The following TBC1D8B variants were observed in gnomAD, a reference collection of about 807,000 sequenced individuals.
TBC1D8B encodes the protein TBC1 domain family member 8B.
In TBC1D8B, 75 loss-of-function variants were observed where a neutral mutation model predicts 82.9. That is an observed-to-expected ratio of 0.90 (90% CI 0.75 to 1.10). The LOEUF is 1.10. Among genes scored for constraint, TBC1D8B ranks in the 50% least tolerant of loss-of-function variants. The pLI is 0.00. For synonymous variants in TBC1D8B, 276 were observed against 276.8 expected, an observed-to-expected ratio of 1.00 and a Z score of 0.03; for missense variants, 794 against 796.9, an observed-to-expected ratio of 1.00 and a Z score of 0.04.
At chrX:106,816,975 A>T (rs1246786162) in intron 1 of TBC1D8B, among the ~76,000 whole-genome samples, 7 of 111,525 alleles carry the variant, frequency 6.3e-5, no homozygotes. Flanking sequence ...AACCTTGCTT[A>T]AAATCTCAAT....
rs1192524655 is a variant in TBC1D8B at position 106,814,506 on chromosome X, A to G, written c.131-4157A>G. 4.7e-5 allele frequency: 5 copies of G among 106,648 alleles called. No individual in the cohort carries two copies. In the East Asian group the frequency reaches 1.5e-3, roughly 31 times the overall value. 8.8% of individuals were successfully genotyped at this position (106,648 alleles called of 1,213,427 possible). A position where few individuals can be genotyped will look rare whatever the true frequency, so the allele number is the denominator to read the frequency against. ...TTGTGAATAGTGCCGCAATAAACAT[A>G]CGTGTGCATGTGTCTTTATAGCAGC... is the stretch of plus-strand genomic sequence containing the variant. On this transcript the variant is annotated intron_variant, in intron 1 of 20. Coordinates refer to ENST00000357242, the MANE Select transcript of TBC1D8B (RefSeq NM_017752.3).
intron 1 of TBC1D8B, among the ~76,000 whole-genome samples, chrX:106,803,451 G>A (rs1220194874): frequency 6.6e-4 from 1 of 1,505 alleles, no homozygotes; most frequent in Non-Finnish European, 0.027. Flanking sequence ...GAGAAAGGGA[G>A]GCGCCCAATC....
intron 1 of TBC1D8B, 52 bp from the exon 2 acceptor site, chrX:106,818,611 T>C (rs1931605460): frequency 1.1e-6 from 1 of 929,841 alleles, no homozygotes; most frequent in Middle Eastern, 2.8e-4. Context: ...TGATACAGAT[T>C]TGATTTATCT....
intron 7 of TBC1D8B, among the ~76,000 whole-genome samples, chrX:106,830,648 A>T (rs975526295): frequency 8.2e-5 from 9 of 109,941 alleles, no homozygotes; most frequent in African/African-American, 3.0e-4. Flanking sequence ...CTTTGTAGGG[A>T]CATGGATGAA....
chrX:106,841,663 A>G lies in TBC1D8B; in HGVS notation c.1719+779A>G, dbSNP rs528372860. ...AAACACAGATAATAGATGAAACAGT[A>G]TAATTTTATTTCTTGAAGGAATAAA... On this transcript the variant is annotated intron_variant, in intron 10 of 20. Coordinates refer to ENST00000357242, the MANE Select transcript of TBC1D8B (RefSeq NM_017752.3). Among the ~76,000 whole-genome samples the G allele has an allele frequency of 6.3e-5, 7 of 111,909 alleles. No individual in the cohort carries two copies. In the South Asian group the frequency reaches 1.1e-3, roughly 18 times the overall value.
At chrX:106,821,852 T>C in intron 3 of TBC1D8B, 125 bp from the exon 4 acceptor site, 1 of 568,881 alleles carries the variant, frequency 1.8e-6, no homozygotes. Flanking sequence ...GTTGAATCCA[T>C]GGATGAGGAA....
intron 5 of TBC1D8B, among the ~76,000 whole-genome samples, chrX:106,824,693 G>A (rs1343074874): frequency 2.7e-5 from 3 of 111,028 alleles, no homozygotes; most frequent in South Asian, 3.8e-4. Context: ...CACCAAATCG[G>A]TATTTAATTA....
At chrX:106,843,458 G>A (rs1375104723) in intron 10 of TBC1D8B, among the ~76,000 whole-genome samples, 1 of 111,389 alleles carries the variant, frequency 9.0e-6, no homozygotes, top group Non-Finnish European at 1.9e-5. Flanking sequence ...CAGCCATTCC[G>A]GTGAGCGTGA....
chrX:106,847,150 G>C (rs968369347), intron 10 of TBC1D8B, among the ~76,000 whole-genome samples: 1 of 111,469 alleles, frequency 9.0e-6, no homozygotes, highest in Non-Finnish European at 1.9e-5. Flanking sequence ...ATATAAAAAA[G>C]ATAACCATTG....
At chrX:106,844,032 A>G (rs1375721215) in intron 10 of TBC1D8B, among the ~76,000 whole-genome samples, 1 of 111,665 alleles carries the variant, frequency 9.0e-6, no homozygotes, top group Non-Finnish European at 1.9e-5. Flanking sequence ...GCCAGCATAT[A>G]GAAATACAAC....
At chrX:106,817,009 GA>G (rs1306140463) in intron 1 of TBC1D8B, among the ~76,000 whole-genome samples, 1 of 111,199 alleles carries the variant, frequency 9.0e-6, no homozygotes, top group East Asian at 2.8e-4. Context: ...GTCAAAATAG[GA>G]AGAGAGCCAA....
rs369212066 is a variant in TBC1D8B, at chrX:106,850,659, G to A, written c.2123+349G>A. On this transcript the variant is annotated intron_variant, in intron 12 of 20. Transcript: ENST00000357242. ...TGATAATGTTAAATATCCAGTGGCC[G>A]GGAAGTTATTCTGGTTTCTATGTGG... is the stretch of plus-strand genomic sequence containing the variant. Among the ~76,000 whole-genome samples, 174 of 111,712 alleles carry A rather than the reference G, an allele frequency of 1.6e-3. 1 individual carries two copies. The highest frequency in any genetic ancestry group is 5.3e-3 in the African/African-American group (162 of 30,775).
Position 106,826,234 on chromosome X carries a change from A to C in TBC1D8B, c.1032A>C (p.Arg344=). ...GNQCSVIIPL[R]EVLAIDKTND... ...AGTGTAGTGTAATCATTCCACTACG[A>C]GAGGTAATGTAAATTTGGTTACATA... The change falls in exon 6 of 21, where the codon CGA becomes CGC. Residue 344 remains arginine (R), a synonymous_variant. Coordinates refer to ENST00000357242, the MANE Select transcript of TBC1D8B (RefSeq NM_017752.3). 4 of 1,202,310 alleles carry C rather than the reference A, an allele frequency of 3.3e-6. No individual in the cohort carries two copies. Among genetic ancestry groups the C allele is most frequent in the Non-Finnish European group, 4.5e-6 (4 of 889,350 alleles).
At chrX:106,813,881 A>C (rs1931452084) in intron 1 of TBC1D8B, 1 of 109,763 alleles carries the variant, frequency 9.1e-6, no homozygotes, top group South Asian at 3.9e-4. Context: ...TTACACTTTA[A>C]GTTTTAGGGT....
At position 106,854,296 on chromosome X, in the gene TBC1D8B, G is replaced by A; in HGVS notation, c.2352G>A (p.Val784=). The change falls in exon 14 of 21, where the codon GTG becomes GTA. Residue 784 remains valine (V), a splice_region_variant and synonymous_variant. Transcript: ENST00000357242. ...TAGAGGAAACAACAAAACAGAATGT[G>A]GTAAGTATGCAACCAATGAGGAAAA... The part of the protein sequence containing the change: ...QTLEETTKQN[V]LRVVSQDVKL... 1 of 1,151,682 alleles carries A rather than the reference G, an allele frequency of 8.7e-7. No individual in the cohort carries two copies. The highest frequency in any genetic ancestry group is 1.2e-6 in the Non-Finnish European group (1 of 862,492). 94.9% of individuals were successfully genotyped at this position (1,151,682 alleles called of 1,213,427 possible).
At chrX:106,853,400 C>G (rs1350180081) in intron 12 of TBC1D8B, 121 bp from the exon 13 acceptor site, 5 of 644,967 alleles carry the variant, frequency 7.8e-6, no homozygotes, top group Non-Finnish European at 1.2e-5. Flanking sequence ...CTTCATAAGA[C>G]CTTCCCTTGT....
At chrX:106,864,362 C>T (rs1346414693) in intron 14 of TBC1D8B, among the ~76,000 whole-genome samples, 1 of 109,997 alleles carries the variant, frequency 9.1e-6, no homozygotes, top group Non-Finnish European at 1.9e-5. Context: ...CTCTGTGTCC[C>T]CTTGCTGCTT....
At chrX:106,812,012 T>A (rs1174955176) in intron 1 of TBC1D8B, among the ~76,000 whole-genome samples, 3 of 111,789 alleles carry the variant, frequency 2.7e-5, no homozygotes, top group Non-Finnish European at 5.6e-5. Flanking sequence ...ATATATATAT[T>A]CAGTTTTCAA....
At chrX:106,812,685 C>T (rs1931413258) in intron 1 of TBC1D8B, among the ~76,000 whole-genome samples, 1 of 110,986 alleles carries the variant, frequency 9.0e-6, no homozygotes, top group Non-Finnish European at 1.9e-5. Flanking sequence ...GCCCATTGCC[C>T]TACCTGTTCA....
Sources: gnomAD v4.1 joint callset for allele counts (sites outside exome capture counted in the v4.1 genomes callset) on GRCh38, gnomAD v4.1.1 for gene constraint, MANE v1.5 for transcripts, NCBI Gene and HGNC (gene_info 2026-07-23, HGNC 2026-07-21) for gene names.